Variants in PPP4R2 observed in about 807,000 individuals in gnomAD.
PPP4R2 encodes protein phosphatase 4 regulatory subunit 2, also known as serine/threonine-protein phosphatase 4 regulatory subunit 2.
In PPP4R2, 13 loss-of-function variants were observed where a neutral mutation model predicts 47.2. That is an observed-to-expected ratio of 0.28 (90% CI 0.18 to 0.44). The LOEUF (loss-of-function observed/expected upper bound fraction) is 0.44, where lower values mean the gene tolerates loss of function less well. PPP4R2 is among the 20% of genes least tolerant of loss of function. The probability of loss-of-function intolerance (pLI) is 1.00; values close to 1 mark genes in which losing one functional copy is unlikely to be tolerated. For missense variants in PPP4R2, 421 were observed against 491.2 expected (o/e 0.86, Z 1.35); for synonymous variants, 151 against 163.3 (o/e 0.92, Z 0.57).
chr3:73,048,838 A>G (rs764666827), intron 3 of PPP4R2, among the ~76,000 whole-genome samples: 15 of 152,220 alleles, frequency 9.9e-5, no homozygotes, highest in Non-Finnish European at 1.8e-4. Flanking sequence ...GCTTTATATC[A>G]TATTCCACTG....
At chr3:73,062,663 G>T in intron 5 of PPP4R2, 2 of 1,613,830 alleles carry the variant, frequency 1.2e-6, no homozygotes, top group South Asian at 1.1e-5. Flanking sequence ...TAGGCATTGC[G>T]GCTGGATCAA....
intron 2 of PPP4R2, among the ~76,000 whole-genome samples, chr3:73,007,436 G>A (rs1418094243): frequency 6.6e-6 from 1 of 151,618 alleles, no homozygotes; most frequent in Non-Finnish European, 1.5e-5. Flanking sequence ...CTTTTGTGAG[G>A]TTTCTTTTAT....
chr3:73,037,387 T>A (rs921732993), intron 2 of PPP4R2, among the ~76,000 whole-genome samples: 9 of 152,236 alleles, frequency 5.9e-5, no homozygotes, highest in African/African-American at 2.2e-4. Context: ...CAGTTCTGAT[T>A]TCCCCAGCCT....
chr3:73,035,371 GC>G (rs1398731754), intron 2 of PPP4R2, among the ~76,000 whole-genome samples: 1 of 152,082 alleles, frequency 6.6e-6, no homozygotes, highest in Admixed American at 6.5e-5. Flanking sequence ...CTGCACTCCA[GC>G]CTGGGTGACA....
At chr3:73,060,973 A>G (rs574151407) in intron 4 of PPP4R2, 50 bp from the exon 5 acceptor site, 6 of 1,303,266 alleles carry the variant, frequency 4.6e-6, no homozygotes, top group Admixed American at 4.4e-5. Context: ...ATGAAACTTT[A>G]TGTTGTAGTA....
chr3:73,017,215 A>G (rs1052216982), intron 2 of PPP4R2, among the ~76,000 whole-genome samples: 3 of 152,184 alleles, frequency 2.0e-5, no homozygotes, highest in African/African-American at 7.2e-5. Flanking sequence ...CACTGTGCCC[A>G]GCCAGGTCAT....
chr3:73,007,490 T>A (rs540348765), intron 2 of PPP4R2, among the ~76,000 whole-genome samples: 1 of 151,912 alleles, frequency 6.6e-6, no homozygotes, highest in African/African-American at 2.4e-5. Context: ...TTTTGTTTTT[T>A]TTTGTGAGAC....
chr3:73,010,257 C>G (rs1164154112), intron 2 of PPP4R2, among the ~76,000 whole-genome samples: 1 of 152,122 alleles, frequency 6.6e-6, no homozygotes, highest in Non-Finnish European at 1.5e-5. Flanking sequence ...AGGTCTTGCT[C>G]TGTCATCCAG....
intron 2 of PPP4R2, among the ~76,000 whole-genome samples, chr3:73,011,011 C>G (rs895402818): frequency 8.5e-6 from 1 of 117,782 alleles, no homozygotes; most frequent in African/African-American, 3.6e-5. Flanking sequence ...AATAATTTGT[C>G]CAAGGTTGTA....
At position 73,065,031 on chromosome 3, in the gene PPP4R2, T is replaced by G; in HGVS notation, c.818T>G (p.Val273Gly). Residue 273 changes from valine to glycine, a missense_variant, in exon 8 of 9, where the codon GTA becomes GGA. By Grantham distance (109) the Val-to-Gly change is moderately radical. Transcript: ENST00000356692. ...TCCAGCGAAATTTCTTCAGTTATGG[T>G]AGGAGAAACAGAAGCATCATCTTCA... ...TTSSEISSVM[V>G]GETEASSSSQ... 6.2e-7 allele frequency: 1 copy of G among 1,613,796 alleles called. No individual in the cohort carries two copies. The highest frequency in any genetic ancestry group is 8.5e-7 in the Non-Finnish European group (1 of 1,179,852).
intron 1 of PPP4R2, 174 bp downstream of exon 1, chr3:72,997,245 T>C (rs539639672): frequency 2.3e-6 from 1 of 439,452 alleles, no homozygotes; most frequent in Admixed American, 4.4e-5. Flanking sequence ...GGCAGCTCTC[T>C]CCCGCCCCGC....
chr3:73,040,499 ATTTTTTTT>A (rs11342756), intron 2 of PPP4R2, among the ~76,000 whole-genome samples: 3 of 117,578 alleles, frequency 2.6e-5, no homozygotes, highest in South Asian at 2.8e-4. Flanking sequence ...ATGTGACCTA[ATTTTTTTT>A]TTTTTTTTTT....
rs1303221281 is a variant in PPP4R2, at chr3:73,068,516, A to G, written c.*2794A>G. 1.3e-5 allele frequency: 2 copies of G among 152,224 alleles called. No individual in the cohort carries two copies. The highest frequency in any genetic ancestry group is 2.9e-5 in the Non-Finnish European group (2 of 68,046). 9.4% of individuals were successfully genotyped at this position (152,224 alleles called of 1,614,324 possible). A position where few individuals can be genotyped will look rare whatever the true frequency, so the allele number is the denominator to read the frequency against. On this transcript the variant is annotated 3_prime_UTR_variant, in exon 9 of 9. Transcript: ENST00000356692. The stretch of plus-strand genomic sequence containing the variant: ...TGTCATATTTTAAATGTTGATTATT[A>G]GATAAATTTAACCTGCTTAGGGTTT...
At chr3:73,021,457 A>C (rs1046079291) in intron 2 of PPP4R2, among the ~76,000 whole-genome samples, 48 of 151,938 alleles carry the variant, frequency 3.2e-4, no homozygotes, top group Non-Finnish European at 1.3e-4. Context: ...GGCTGGTCTC[A>C]AATTCCTGGG....
intron 5 of PPP4R2, 162 bp downstream of exon 5, chr3:73,061,222 C>G (rs1702851757): frequency 8.7e-6 from 3 of 346,486 alleles, no homozygotes; most frequent in Non-Finnish European, 1.5e-5. Flanking sequence ...TAGAATATTA[C>G]TAATAACATT....
At chr3:73,062,726 G>C (rs566023073) in intron 5 of PPP4R2, 1 of 1,614,010 alleles carries the variant, frequency 6.2e-7, no homozygotes, top group South Asian at 1.1e-5. Context: ...TCAAGGCAAT[G>C]ATGGCATCTA....
At chr3:73,020,685 A>AAAAG (rs1701942079) in intron 2 of PPP4R2, among the ~76,000 whole-genome samples, 1 of 151,740 alleles carries the variant, frequency 6.6e-6, no homozygotes, top group Non-Finnish European at 1.5e-5. Context: ...AAAAAAAAAA[A>AAAAG]AAAAAAGTTA....
chr3:73,043,908 G>T (rs1014660369), intron 2 of PPP4R2, among the ~76,000 whole-genome samples: 1 of 152,138 alleles, frequency 6.6e-6, no homozygotes, highest in African/African-American at 2.4e-5. Flanking sequence ...TAAAGAATAA[G>T]TCCCTTCACC....
At chr3:73,016,813 CTT>C (rs1207946652) in intron 2 of PPP4R2, among the ~76,000 whole-genome samples, 97 of 72,860 alleles carry the variant, frequency 1.3e-3, no homozygotes, top group African/African-American at 4.9e-3. Flanking sequence ...TTCATTGTTT[CTT>C]TTTTTTTTTT....
Sources: gnomAD v4.1 joint callset for allele counts (sites outside exome capture counted in the v4.1 genomes callset) on GRCh38, gnomAD v4.1.1 for gene constraint, MANE v1.5 for transcripts, NCBI Gene and HGNC (gene_info 2026-07-23, HGNC 2026-07-21) for gene names.